The following MCC variants were observed in gnomAD, a reference collection of about 807,000 sequenced individuals.
MCC encodes colorectal mutant cancer protein.
A neutral mutation model predicts 116.2 loss-of-function variants in MCC; 90 were observed. The ratio of observed to expected loss-of-function variants is 0.77; its 90% CI spans 0.65 to 0.92. The LOEUF is 0.92. Among genes scored for constraint, MCC ranks in the 40% least tolerant of loss-of-function variants. The pLI is 0.00. For synonymous variants in MCC, 578 were observed against 510.5 expected, an observed-to-expected ratio of 1.13 and a Z score of -1.78; for missense variants, 1,516 against 1,312.2, an observed-to-expected ratio of 1.16 and a Z score of -2.40.
intron 3 of MCC, among the ~76,000 whole-genome samples, chr5:113,195,825 A>T (rs2150315929): frequency 6.6e-6 from 1 of 151,900 alleles, no homozygotes; most frequent in Non-Finnish European, 1.5e-5. Context: ...TCCAAATACC[A>T]CCATCTGGCT....
chr5:113,322,885 T>C (rs969923950), intron 3 of MCC: 1 of 152,254 alleles, frequency 6.6e-6, no homozygotes, highest in Admixed American at 6.5e-5. Context: ...TTCATTTCCT[T>C]GTACAGACCT....
intron 1 of MCC, among the ~76,000 whole-genome samples, chr5:113,461,544 C>G (rs1771742182): frequency 6.6e-6 from 1 of 151,334 alleles, no homozygotes; most frequent in Non-Finnish European, 1.5e-5. Flanking sequence ...GTGGCTCATG[C>G]CTGTAATCCC....
chr5:113,179,039 C>T (rs919132678), intron 3 of MCC, among the ~76,000 whole-genome samples: 2 of 152,128 alleles, frequency 1.3e-5, no homozygotes, highest in African/African-American at 4.8e-5. Context: ...TGTTAAAATG[C>T]TACTATCTCA....
At chr5:113,418,696 A>G (rs945438984) in intron 1 of MCC, among the ~76,000 whole-genome samples, 13 of 152,146 alleles carry the variant, frequency 8.5e-5, no homozygotes, top group Admixed American at 7.9e-4. Flanking sequence ...TATTATCATC[A>G]TCATCATCAT....
intron 3 of MCC, among the ~76,000 whole-genome samples, chr5:113,179,898 T>C (rs1422247060): frequency 6.6e-6 from 1 of 152,242 alleles, no homozygotes; most frequent in Non-Finnish European, 1.5e-5. Flanking sequence ...CCAGCTGCTA[T>C]GGGTATTGCA....
chr5:113,336,513 T>C (rs1767872476), intron 3 of MCC, among the ~76,000 whole-genome samples: 1 of 149,266 alleles, frequency 6.7e-6, no homozygotes, highest in Non-Finnish European at 1.5e-5. Context: ...GGTTCCAGTT[T>C]GTCCTCAATG....
chr5:113,192,297 T>C (rs1266812084), intron 3 of MCC, among the ~76,000 whole-genome samples: 2 of 152,220 alleles, frequency 1.3e-5, no homozygotes, highest in African/African-American at 4.8e-5. Context: ...TCTAGAAGGC[T>C]TTCCCTTCAG....
chr5:113,038,544 G>C (rs977652950), intron 17 of MCC, among the ~76,000 whole-genome samples: 13 of 152,102 alleles, frequency 8.5e-5, no homozygotes, highest in African/African-American at 3.1e-4. Context: ...TGGAGGATGG[G>C]AACATCCGGA....
chr5:113,219,543 C>T (rs909610428), intron 3 of MCC, among the ~76,000 whole-genome samples: 5 of 152,040 alleles, frequency 3.3e-5, no homozygotes, highest in South Asian at 2.1e-4. Context: ...TTTTGTATTA[C>T]GTTAGTAATA....
At chr5:113,163,064 C>T (rs946850554) in intron 3 of MCC, among the ~76,000 whole-genome samples, 5 of 152,300 alleles carry the variant, frequency 3.3e-5, no homozygotes, top group Admixed American at 2.6e-4. Flanking sequence ...CAGGCAAACA[C>T]ATTCATCCTA....
intron 3 of MCC, among the ~76,000 whole-genome samples, chr5:113,160,697 TAAGAG>T (rs1290579984): frequency 1.3e-5 from 2 of 152,198 alleles, no homozygotes; most frequent in Admixed American, 1.3e-4. Flanking sequence ...GTTATTCTGT[TAAGAG>T]AAGAAAGCAG....
chr5:113,473,684 C>T (rs1290295929), intron 1 of MCC, among the ~76,000 whole-genome samples: 1 of 152,112 alleles, frequency 6.6e-6, no homozygotes, highest in Non-Finnish European at 1.5e-5. Flanking sequence ...AAAATCCTAA[C>T]CAAGAATTCA....
chr5:113,450,756 C>T (rs533159676), intron 1 of MCC, among the ~76,000 whole-genome samples: 15 of 152,308 alleles, frequency 9.8e-5, no homozygotes, highest in Non-Finnish European at 1.8e-4. Flanking sequence ...GAAAGTGTCA[C>T]TCTCCAGAGG....
At chr5:113,333,048 A>C (rs1767739055) in intron 3 of MCC, among the ~76,000 whole-genome samples, 1 of 151,676 alleles carries the variant, frequency 6.6e-6, no homozygotes, top group African/African-American at 2.4e-5. Flanking sequence ...AAAAACAAAC[A>C]AAAAAACTCC....
intron 3 of MCC, among the ~76,000 whole-genome samples, chr5:113,278,049 A>T (rs1765893576): frequency 6.6e-6 from 1 of 152,210 alleles, no homozygotes; most frequent in Non-Finnish European, 1.5e-5. Context: ...CCTGGGTATT[A>T]TTCCCAATGC....
intron 3 of MCC, among the ~76,000 whole-genome samples, chr5:113,219,283 G>A (rs887933821): frequency 1.3e-5 from 2 of 152,192 alleles, no homozygotes; most frequent in Non-Finnish European, 2.9e-5. Flanking sequence ...TGCAGTCTCT[G>A]TACACAGGAA....
At chr5:113,243,141 T>C (rs1291759476) in intron 3 of MCC, among the ~76,000 whole-genome samples, 2 of 152,070 alleles carry the variant, frequency 1.3e-5, no homozygotes, top group Non-Finnish European at 2.9e-5. Context: ...GGTCTAAAAA[T>C]GGCTGTTACC....
intron 7 of MCC, 100 bp downstream of exon 7, chr5:113,104,092 T>G (rs1199980754): frequency 8.3e-7 from 1 of 1,198,124 alleles, no homozygotes; most frequent in African/African-American, 1.5e-5. Context: ...GAAACATTCA[T>G]CCCTAGTAAG....
chr5:113,402,235 A>G (rs1338939035), intron 1 of MCC, among the ~76,000 whole-genome samples: 2 of 146,088 alleles, frequency 1.4e-5, no homozygotes, highest in Non-Finnish European at 3.0e-5. Flanking sequence ...CGGAGCTTGC[A>G]GTGAGCTGAG....
Sources: gnomAD v4.1 joint callset for allele counts (sites outside exome capture counted in the v4.1 genomes callset) on GRCh38, gnomAD v4.1.1 for gene constraint, MANE v1.5 for transcripts, NCBI Gene and HGNC (gene_info 2026-07-23, HGNC 2026-07-21) for gene names.